ZNF148: variants seen among roughly 807,000 people sequenced by gnomAD.
The protein encoded by ZNF148 is Beta-Enolase Repressor Factor-1.
ZNF148 carries 7 observed loss-of-function variants against 67.7 expected under a neutral mutation model. The observed-to-expected ratio is 0.10, with a 90% CI of 0.06 to 0.19. ZNF148 has a LOEUF of 0.19. Among genes scored for constraint, ZNF148 ranks in the 10% least tolerant of loss-of-function variants. The pLI is 1.00. For missense variants in ZNF148, 583 were observed against 947.1 expected, an observed-to-expected ratio of 0.62 and a Z score of 5.05; for synonymous variants, 333 against 330.7, an observed-to-expected ratio of 1.01 and a Z score of -0.08.
Position 125,230,851 on chromosome 3 carries a change from G to C in ZNF148, c.*1490C>G, listed in dbSNP as rs562376339. On this transcript the variant is annotated 3_prime_UTR_variant, in exon 9 of 9. Transcript: ENST00000360647. ...AAAAATGAAAAAGTTGTAACAAAGAGTCAATAACTAATATAACTTCCAAAA... is the reference window on the plus strand; with the variant it reads ...AAAAATGAAAAAGTTGTAACAAAGACTCAATAACTAATATAACTTCCAAAA... 6.6e-6 allele frequency: 1 copy of C among 152,204 alleles called. No homozygotes were observed. The highest frequency in any genetic ancestry group is 2.4e-5 in the African/African-American group (1 of 41,526). 9.4% of individuals were successfully genotyped at this position (152,204 alleles called of 1,614,324 possible). A position where few individuals can be genotyped will look rare whatever the true frequency, so the allele number is the denominator to read the frequency against.
At chr3:125,288,584 C>CA (rs2107625887) in intron 4 of ZNF148, among the ~76,000 whole-genome samples, 1 of 151,380 alleles carries the variant, frequency 6.6e-6, no homozygotes, top group South Asian at 2.1e-4. Flanking sequence ...TAAAAGCGCA[C>CA]AAAAAAGGTT....
intron 1 of ZNF148, among the ~76,000 whole-genome samples, chr3:125,356,025 G>A (rs184187098): frequency 6.6e-6 from 1 of 152,024 alleles, no homozygotes; most frequent in Admixed American, 6.6e-5. Flanking sequence ...TAACCACTGA[G>A]AACACTCGCA....
At chr3:125,304,292 A>C (rs1327972471) in intron 4 of ZNF148, among the ~76,000 whole-genome samples, 1 of 152,144 alleles carries the variant, frequency 6.6e-6, no homozygotes, top group Admixed American at 6.5e-5. Context: ...CATAAGGAAG[A>C]GTCTAGATTG....
rs187389923 is a variant in ZNF148 at position 125,296,060 on chromosome 3, G to A, written c.334-7832C>T. Among the ~76,000 whole-genome samples, 81 of 149,890 alleles carry A rather than the reference G, an allele frequency of 5.4e-4. 2 individuals are homozygous for A. Among genetic ancestry groups the A allele is most frequent in the African/African-American group, 1.7e-3 (68 of 40,822 alleles). ...CAAAAAAAAAAATCTTTCCTTTCAC[G>A]TTAGATCCTCCTTCTAAATTCCCTG... On this transcript the variant is annotated intron_variant, in intron 4 of 8. Transcript: ENST00000360647.
intron 1 of ZNF148, among the ~76,000 whole-genome samples, chr3:125,366,699 T>C (rs1942714307): frequency 6.6e-6 from 1 of 152,238 alleles, no homozygotes; most frequent in Non-Finnish European, 1.5e-5. Context: ...CTATAGGTCA[T>C]AGTTTAAAAA....
chr3:125,280,104 A>G (rs553011301), intron 5 of ZNF148, among the ~76,000 whole-genome samples: 1 of 152,310 alleles, frequency 6.6e-6, no homozygotes, highest in Admixed American at 6.5e-5. Flanking sequence ...TTATTATTAA[A>G]CATATTCCTA....
In ZNF148 at chr3:125,296,293, T is replaced by A. The variant is rs181583418; in HGVS notation, c.334-8065A>T. Among the ~76,000 whole-genome samples the A allele has an allele frequency of 1.7e-4, 26 of 152,262 alleles. No individual in the cohort carries two copies. The East Asian group carries it at 4.2e-3, about 25-fold the overall frequency. On this transcript the variant is annotated intron_variant, in intron 4 of 8. Coordinates refer to ENST00000360647, the MANE Select transcript of ZNF148 (RefSeq NM_021964.3). Reference sequence around the variant, plus strand: ...TGTACCACCACGCCCAGCTAATTATTTTGTATTTTTAGTAGAGACAGGGTT... The same window carrying A: ...TGTACCACCACGCCCAGCTAATTATATTGTATTTTTAGTAGAGACAGGGTT...
chr3:125,318,054 A>G (rs1940603293), intron 3 of ZNF148, among the ~76,000 whole-genome samples: 1 of 152,098 alleles, frequency 6.6e-6, no homozygotes, highest in South Asian at 2.1e-4. Context: ...TACACTTAAT[A>G]ATGAAAGATA....
chr3:125,308,210 CAT>C (rs1363802825), intron 4 of ZNF148, among the ~76,000 whole-genome samples: 1 of 152,072 alleles, frequency 6.6e-6, no homozygotes, highest in East Asian at 1.9e-4. Context: ...TCACAGAATA[CAT>C]AGTCAATATA....
chr3:125,244,055 T>A (rs1936486461), intron 7 of ZNF148, among the ~76,000 whole-genome samples: 1 of 152,128 alleles, frequency 6.6e-6, no homozygotes, highest in Non-Finnish European at 1.5e-5. Flanking sequence ...ATTTTAAATG[T>A]TTTTTACATC....
chr3:125,248,618 C>T (rs1024473336), intron 7 of ZNF148, among the ~76,000 whole-genome samples: 9 of 152,202 alleles, frequency 5.9e-5, no homozygotes, highest in Non-Finnish European at 1.0e-4. Context: ...CCCACCCATA[C>T]GATGTCACTA....
rs1940872238 is a variant in ZNF148, at chr3:125,323,461, A to G, written c.-152-17T>C. ...ATCCGATTCCTACAATAAAACACAC[A>G]CACAACAAACATTATTTATGGTAGG... On this transcript the variant is annotated splice_polypyrimidine_tract_variant and intron_variant, in intron 2 of 8. Transcript: ENST00000360647. The G allele has an allele frequency of 1.5e-6, 1 of 665,746 alleles. No homozygotes were observed. Among genetic ancestry groups the G allele is most frequent in the Non-Finnish European group, 2.7e-6 (1 of 373,406 alleles). 41.2% of individuals were successfully genotyped at this position (665,746 alleles called of 1,614,324 possible).
intron 7 of ZNF148, among the ~76,000 whole-genome samples, chr3:125,271,716 G>A (rs1181024344): frequency 1.3e-5 from 2 of 152,168 alleles, no homozygotes; most frequent in Non-Finnish European, 2.9e-5. Context: ...AGTGCTTGGT[G>A]GAGAACAGGT....
At chr3:125,291,373 T>C (rs1939002852) in intron 4 of ZNF148, among the ~76,000 whole-genome samples, 1 of 152,138 alleles carries the variant, frequency 6.6e-6, no homozygotes, top group South Asian at 2.1e-4. Context: ...GCTTTCAAAA[T>C]TCTATATGAT....
At chr3:125,291,483 T>G (rs1357271391) in intron 4 of ZNF148, among the ~76,000 whole-genome samples, 1 of 152,100 alleles carries the variant, frequency 6.6e-6, no homozygotes, top group Non-Finnish European at 1.5e-5. Flanking sequence ...AATTTTCAAT[T>G]TCAAATTTTG....
chr3:125,299,099 T>C (rs972540658), intron 4 of ZNF148, among the ~76,000 whole-genome samples: 5 of 152,264 alleles, frequency 3.3e-5, no homozygotes, highest in African/African-American at 1.2e-4. Flanking sequence ...ACTTTATTAT[T>C]TCTTCTACCT....
chr3:125,268,827 G>A (rs1039426690), intron 7 of ZNF148, among the ~76,000 whole-genome samples: 1 of 151,890 alleles, frequency 6.6e-6, no homozygotes, highest in Non-Finnish European at 1.5e-5. Flanking sequence ...AAAAAAAACT[G>A]CAACAAAAAC....
Position 125,226,781 on chromosome 3 carries a change from A to G in ZNF148, c.*5560T>C, listed in dbSNP as rs1407852523. On this transcript the variant is annotated 3_prime_UTR_variant, in exon 9 of 9. Transcript: ENST00000360647. ...AAAACAATTCTATTTGGAGAGCAAA[A>G]TATTTTAAAATATATCGACTTACCA... 6.6e-6 allele frequency: 1 copy of G among 152,524 alleles called. No homozygotes were observed. The highest frequency in any genetic ancestry group is 1.5e-5 in the Non-Finnish European group (1 of 68,022). 9.4% of individuals were successfully genotyped at this position (152,524 alleles called of 1,614,324 possible). A position where few individuals can be genotyped will look rare whatever the true frequency, so the allele number is the denominator to read the frequency against.
intron 7 of ZNF148, among the ~76,000 whole-genome samples, chr3:125,234,678 A>C (rs1936005234): frequency 1.3e-5 from 2 of 152,200 alleles, no homozygotes; most frequent in South Asian, 4.1e-4. Flanking sequence ...TAAAAAACAA[A>C]AAGTTACCCA....
Sources: allele counts gnomAD v4.1 joint callset (sites outside exome capture counted in the v4.1 genomes callset), GRCh38; gene constraint gnomAD v4.1.1; transcripts MANE v1.5; gene names NCBI Gene and HGNC (gene_info 2026-07-23, HGNC 2026-07-21).